LAPTM4B: variants seen among roughly 807,000 people sequenced by gnomAD.
LAPTM4B encodes lysosomal-associated transmembrane protein 4B.
Under a neutral mutation model 28.5 loss-of-function variants are expected in LAPTM4B, and 26 were observed. The observed-to-expected ratio is 0.91, with a 90% CI of 0.67 to 1.27. LAPTM4B has a LOEUF of 1.27. Ranked by LOEUF, LAPTM4B falls within the 50% of genes most tolerant of loss-of-function variation. The pLI is 0.00. For synonymous variants in LAPTM4B, 109 were observed against 106.4 expected (o/e 1.02, Z -0.15); for missense variants, 288 against 285.8 (o/e 1.01, Z -0.06).
chr8:97,849,807 C>A (rs1290788580), intron 6 of LAPTM4B, among the ~76,000 whole-genome samples: 1 of 151,508 alleles, frequency 6.6e-6, no homozygotes, highest in Non-Finnish European at 1.5e-5. Context: ...CCCTCCTCCA[C>A]CCCCCTGCCC....
chr8:97,843,085 T>C (rs745317654), intron 6 of LAPTM4B, among the ~76,000 whole-genome samples: 15 of 151,750 alleles, frequency 9.9e-5, no homozygotes, highest in Admixed American at 2.6e-4. Context: ...TTCATTATCT[T>C]GGCCAGGCTG....
intron 6 of LAPTM4B, among the ~76,000 whole-genome samples, chr8:97,849,847 C>G (rs1405214123): frequency 1.5e-5 from 2 of 132,698 alleles, no homozygotes; most frequent in Non-Finnish European, 1.6e-5. Flanking sequence ...CTGTGTGTTT[C>G]TGCAGTGTTC....
At chr8:97,816,305 A>G in intron 4 of LAPTM4B, 125 bp downstream of exon 4, 1 of 889,342 alleles carries the variant, frequency 1.1e-6, no homozygotes, top group Non-Finnish European at 1.7e-6. Flanking sequence ...TGAGTTACTC[A>G]TAGGAAATTT....
chr8:97,805,521 C>T (rs915515959), intron 2 of LAPTM4B, 57 bp downstream of exon 2: 24 of 912,988 alleles, frequency 2.6e-5, no homozygotes, highest in African/African-American at 4.9e-5. Context: ...GCCAGCACTT[C>T]CTATTAAATT....
rs181465411 is a variant in LAPTM4B at position 97,846,388 on chromosome 8, C to T, written c.604-5009C>T. 2.5e-3 allele frequency among the ~76,000 whole-genome samples: 375 copies of T among 147,732 alleles called. 2 individuals carry two copies. The highest frequency in any genetic ancestry group is 0.018 in the South Asian group (85 of 4,684). ...TTGTTGCCCAGGCTGGAGTGCAATG[C>T]GCGATCTCAGCTCACCACAGCCACC... On this transcript the variant is annotated intron_variant, in intron 6 of 6. Coordinates refer to ENST00000521545, the MANE Select transcript of LAPTM4B (RefSeq NM_018407.6).
In LAPTM4B at chr8:97,790,219, G is replaced by A. The variant is rs1022215308; in HGVS notation, c.99+14111G>A. Among the ~76,000 whole-genome samples, 7 of 151,448 alleles carry A rather than the reference G, an allele frequency of 4.6e-5. No homozygotes were observed. In the East Asian group the frequency reaches 9.7e-4, roughly 21 times the overall value. On this transcript the variant is annotated intron_variant, in intron 1 of 6. Transcript: ENST00000521545. ...TTGATAAGCTTATTTCCTTTCTTTT[G>A]AGTATATACCTAGGTGTGGGATTGC...
chr8:97,782,026 G>T (rs1379360309), intron 1 of LAPTM4B, among the ~76,000 whole-genome samples: 1 of 150,928 alleles, frequency 6.6e-6, no homozygotes, highest in Non-Finnish European at 1.5e-5. Flanking sequence ...TGTTGCCCAG[G>T]CTGGAGTGCA....
intron 2 of LAPTM4B, among the ~76,000 whole-genome samples, chr8:97,807,761 G>A (rs1231288148): frequency 2.0e-5 from 3 of 151,994 alleles, no homozygotes; most frequent in African/African-American, 7.2e-5. Flanking sequence ...AAGAATGAGA[G>A]AGTAACTAAC....
rs1342581827 is a variant in LAPTM4B at position 97,852,973 on chromosome 8, G to T, written c.*1499G>T. 5.2e-6 allele frequency: 3 copies of T among 582,148 alleles called. No homozygotes were observed. Among genetic ancestry groups the T allele is most frequent in the Middle Eastern group, 3.3e-4 (1 of 3,074 alleles). The allele number at this position is 582,148 out of a possible 1,614,324, so 36.1% of individuals were successfully genotyped here. A position where few individuals can be genotyped will look rare whatever the true frequency, so the allele number is the denominator to read the frequency against. On this transcript the variant is annotated 3_prime_UTR_variant, in exon 7 of 7. Coordinates refer to ENST00000521545, the MANE Select transcript of LAPTM4B (RefSeq NM_018407.6). The stretch of plus-strand genomic sequence containing the variant: ...AAGCCAAACAGAAGTAGAAAAAGGT[G>T]TAGCCGGCATACAAATGTTATCTAC...
intron 1 of LAPTM4B, among the ~76,000 whole-genome samples, chr8:97,799,404 A>G (rs1816637685): frequency 6.6e-6 from 1 of 152,224 alleles, no homozygotes; most frequent in Admixed American, 6.5e-5. Context: ...AACCAGAAAC[A>G]AAGAACTAAA....
chr8:97,782,779 T>C (rs1816341894), intron 1 of LAPTM4B, among the ~76,000 whole-genome samples: 1 of 151,762 alleles, frequency 6.6e-6, no homozygotes, highest in Non-Finnish European at 1.5e-5. Flanking sequence ...TTGCCCAGGC[T>C]GGAGTGCAGT....
chr8:97,780,991 TACA>T (rs1156330743), intron 1 of LAPTM4B, among the ~76,000 whole-genome samples: 1 of 150,864 alleles, frequency 6.6e-6, no homozygotes, highest in African/African-American at 2.4e-5. Flanking sequence ...ATTTATGTAC[TACA>T]ATTTTTTTTT....
In LAPTM4B at chr8:97,830,604, A is replaced by G. The variant is rs531640795; in HGVS notation, c.603+5451A>G. ...AGTAAGTTGAAGAGAAGTGGGGGAG[A>G]GTACTTGCGACTTCCAGAAGGAGGT... On this transcript the variant is annotated intron_variant, in intron 6 of 6. Transcript: ENST00000521545. Among the ~76,000 whole-genome samples, 8 of 152,154 alleles carry G rather than the reference A, an allele frequency of 5.3e-5. No homozygotes were observed. In the East Asian group the frequency reaches 1.5e-3, roughly 29 times the overall value.
intron 1 of LAPTM4B, among the ~76,000 whole-genome samples, chr8:97,783,635 C>G (rs1484446839): frequency 1.3e-5 from 2 of 152,082 alleles, no homozygotes; most frequent in Non-Finnish European, 2.9e-5. Flanking sequence ...CTTTGAAGGT[C>G]TAATAGAGAA....
intron 2 of LAPTM4B, among the ~76,000 whole-genome samples, chr8:97,811,920 C>G (rs1202236101): frequency 1.3e-5 from 2 of 152,096 alleles, no homozygotes; most frequent in Non-Finnish European, 2.9e-5. Context: ...GTTCTCCCAC[C>G]TCAGTCTCCT....
intron 1 of LAPTM4B, among the ~76,000 whole-genome samples, chr8:97,796,813 A>G (rs994705606): frequency 6.6e-6 from 1 of 152,138 alleles, no homozygotes. Flanking sequence ...GGTAGCCGGC[A>G]CTTGTAATCC....
intron 5 of LAPTM4B, among the ~76,000 whole-genome samples, chr8:97,819,786 G>A (rs1187064724): frequency 3.0e-5 from 4 of 133,410 alleles, no homozygotes; most frequent in Non-Finnish European, 6.1e-5. Flanking sequence ...CCAGGTTGGA[G>A]TGCAGTGGCG....
At chr8:97,832,655 A>G (rs969137510) in intron 6 of LAPTM4B, among the ~76,000 whole-genome samples, 2 of 136,344 alleles carry the variant, frequency 1.5e-5, no homozygotes, top group African/African-American at 5.0e-5. Context: ...CAGCTTTCTG[A>G]CGATATTTTT....
At chr8:97,807,470 A>C (rs533522868) in intron 2 of LAPTM4B, among the ~76,000 whole-genome samples, 1 of 152,346 alleles carries the variant, frequency 6.6e-6, no homozygotes, top group East Asian at 1.9e-4. Flanking sequence ...AAACATGCTT[A>C]GAATGGGGCC....
Sources: allele counts gnomAD v4.1 joint callset (sites outside exome capture counted in the v4.1 genomes callset), GRCh38; gene constraint gnomAD v4.1.1; transcripts MANE v1.5; gene names NCBI Gene and HGNC (gene_info 2026-07-23, HGNC 2026-07-21).